POM121: variants seen among roughly 807,000 people sequenced by gnomAD.
POM121 encodes POM121 transmembrane nucleoporin.
POM121 carries 32 observed loss-of-function variants against 81.3 expected under a neutral mutation model. The observed-to-expected ratio is 0.39, with a 90% confidence interval of 0.30 to 0.53. The LOEUF (loss-of-function observed/expected upper bound fraction) is 0.53, where lower values mean the gene tolerates loss of function less well. Among genes scored for constraint, POM121 ranks in the 20% least tolerant of loss-of-function variants. The pLI is 0.66. For missense variants in POM121, 1,138 were observed against 1,614.6 expected (o/e 0.70, Z 5.06); for synonymous variants, 514 against 694.2 (o/e 0.74, Z 4.08).
intron 5 of POM121, among the ~76,000 whole-genome samples, chr7:72,938,145 C>T (rs1470411794): frequency 6.6e-6 from 1 of 151,958 alleles, no homozygotes; most frequent in East Asian, 1.9e-4. Context: ...ATAGACTTTT[C>T]TTCTTTTGCT....
chr7:72,942,135 C>T lies in POM121; in HGVS notation c.2142C>T (p.Ser714=), dbSNP rs2129580295. The change falls in exon 11 of 13, where the codon TCC becomes TCT. Residue 714 remains serine, a synonymous_variant. Transcript: ENST00000434423. The stretch of plus-strand genomic sequence containing the variant: ...TTGGAACACAGAACACCTCACCTTC[C>T]AGCCCTGCCGCCCCTGCTGCATCTT... ...FLFGTQNTSP[S]SPAAPAASSA... 6.2e-7 allele frequency: 1 copy of T among 1,609,238 alleles called. No homozygotes were observed. Among genetic ancestry groups the T allele is most frequent in the Non-Finnish European group, 8.5e-7 (1 of 1,179,810 alleles).
chr7:72,926,488 T>G lies in POM121; in HGVS notation c.860+11T>G. On this transcript the variant is annotated intron_variant, in intron 2 of 12. Transcript: ENST00000434423. The stretch of plus-strand genomic sequence containing the variant: ...TTCGCGTTCTGCGATGTGAGTATTA[T>G]CGTTGGAAGAATACTCTCCCTTTTC... 1 of 1,613,872 alleles carries G rather than the reference T, an allele frequency of 6.2e-7. No homozygotes were observed. The highest frequency in any genetic ancestry group is 1.7e-5 in the Admixed American group (1 of 60,014).
chr7:72,927,213 G>A (rs1227824091), intron 3 of POM121, among the ~76,000 whole-genome samples: 1 of 152,160 alleles, frequency 6.6e-6, no homozygotes. Context: ...TATTAGCCAC[G>A]CTACCCTCAT....
upstream of POM121, chr7:72,925,028 T>G: frequency 7.5e-7 from 1 of 1,326,114 alleles, no homozygotes; most frequent in Non-Finnish European, 9.6e-7. Context: ...TCTCCCGGAG[T>G]CGCGCGCGCA....
chr7:72,903,503 C>T (rs555451357), intron 3 of POM121, among the ~76,000 whole-genome samples: 3 of 152,334 alleles, frequency 2.0e-5, no homozygotes, highest in Non-Finnish European at 4.4e-5. Context: ...ATCCTCCCCA[C>T]CATCCCTGGG....
rs1286011338 is a variant in POM121, at chr7:72,926,246, C to G, written c.645-16C>G. On this transcript the variant is annotated splice_polypyrimidine_tract_variant and intron_variant, in intron 1 of 12. Coordinates refer to ENST00000434423, the MANE Select transcript of POM121 (RefSeq NM_001387691.1). ...TTTTTGCTTTGGTTCCGTGATTTGT[C>G]TCGCATTCTCTGCAGGGATTGTGGG... The G allele has an allele frequency of 2.6e-6, 4 of 1,548,680 alleles. No individual in the cohort carries two copies. The African/African-American group carries it at 4.1e-5, about 16-fold the overall frequency.
At chr7:72,913,856 C>T (rs1554494691) in intron 4 of POM121, 1 of 152,262 alleles carries the variant, frequency 6.6e-6, no homozygotes, top group Non-Finnish European at 1.5e-5. Flanking sequence ...CCTGCGCTTC[C>T]ATGACAGCCT....
At chr7:72,923,986 C>A (rs1476719582), upstream of POM121, among the ~76,000 whole-genome samples, 2 of 150,568 alleles carry the variant, frequency 1.3e-5, no homozygotes, top group Admixed American at 1.3e-4. Flanking sequence ...CGGTCTGTCG[C>A]CCAGGTTGGA....
At chr7:72,889,234 A>C (rs551591361) in intron 1 of POM121, among the ~76,000 whole-genome samples, 1 of 152,354 alleles carries the variant, frequency 6.6e-6, no homozygotes, top group African/African-American at 2.4e-5. Flanking sequence ...GCCTGTGGAT[A>C]AGCTTGGATG....
In POM121 at chr7:72,941,779, G is replaced by GTC. The variant is rs1797095346; in HGVS notation, c.1844-58_1844-57insTC. The stretch of plus-strand genomic sequence containing the variant: ...GGCGTGGGGAGGACACTGAAATACT[G>GTC]AATACCATCATCTTTGAAGTGTTTA... On this transcript the variant is annotated intron_variant, in intron 10 of 12. Transcript: ENST00000434423. The GTC allele has an allele frequency of 1.9e-6, 3 of 1,564,788 alleles. No homozygotes were observed. The African/African-American group carries it at 4.1e-5, about 21-fold the overall frequency.
chr7:72,929,695 C>A (rs1294024777), intron 4 of POM121, among the ~76,000 whole-genome samples: 9 of 152,288 alleles, frequency 5.9e-5, no homozygotes, highest in African/African-American at 1.9e-4. Flanking sequence ...GATCTGTCTT[C>A]TGTCACTGTA....
In POM121 at chr7:72,946,286, G is replaced by T. The variant is rs1330399676; in HGVS notation, c.*52G>T. 1 of 1,602,158 alleles carries T rather than the reference G, an allele frequency of 6.2e-7. No homozygotes were observed. Among genetic ancestry groups the T allele is most frequent in the South Asian group, 1.1e-5 (1 of 90,100 alleles). ...CACCCCTTCCCTAAATCTGGACCTT[G>T]GCACCTGCTAGGAAGAGCCTTGGAC... On this transcript the variant is annotated 3_prime_UTR_variant, in exon 13 of 13. Transcript: ENST00000434423.
At position 72,880,196 on chromosome 7, in the gene POM121, C is replaced by T. The variant is rs1452707308; in HGVS notation, c.-521+311C>T. ...ATTTCGACCGCCTCTAAACGTCCGT[C>T]AGCACTTCTATTCTCTCACTTAAGT... On this transcript the variant is annotated intron_variant, in intron 1 of 15. Transcript: ENST00000395270. Among the ~76,000 whole-genome samples, 6 of 152,210 alleles carry T rather than the reference C, an allele frequency of 3.9e-5. No homozygotes were observed. The East Asian group carries it at 7.7e-4, about 20-fold the overall frequency.
intron 5 of POM121, among the ~76,000 whole-genome samples, chr7:72,931,622 G>C (rs1796030747): frequency 1.3e-5 from 2 of 150,396 alleles, no homozygotes; most frequent in Middle Eastern, 3.4e-3. Flanking sequence ...CCAGGCTGGA[G>C]CACAGTGGTG....
chr7:72,928,520 A>C lies in POM121; in HGVS notation c.1103+55A>C, dbSNP rs1586155396. 11 of 1,573,648 alleles carry C rather than the reference A, an allele frequency of 7.0e-6. No individual in the cohort carries two copies. The East Asian group carries it at 2.0e-4, about 29-fold the overall frequency. Reference sequence around the variant, plus strand: ...CAACTGTTTGGAAAAAGGCCTGATCAGAGCTGTTGCCCTATAGATTTTCCT... The same window carrying C: ...CAACTGTTTGGAAAAAGGCCTGATCCGAGCTGTTGCCCTATAGATTTTCCT... On this transcript the variant is annotated intron_variant, in intron 4 of 12. Coordinates refer to ENST00000434423, the MANE Select transcript of POM121 (RefSeq NM_001387691.1).
Position 72,943,423 on chromosome 7 carries a change from G to C in POM121, c.3430G>C (p.Ala1144Pro), listed in dbSNP as rs141369711. The part of the protein sequence containing the change: ...SGSTATSTPF[A>P]GGLGQNALGT... The stretch of plus-strand genomic sequence containing the variant: ...GAGCACAGCCACCTCCACCCCCTTC[G>C]CAGGGGGCTTAGGTCAGAACGCCCT... The change falls in exon 11 of 13, where the codon GCA becomes CCA. Residue 1144 changes from alanine (A) to proline (P), a missense_variant. Ala to Pro is a conservative substitution (Grantham distance 27, BLOSUM62 -1). Transcript: ENST00000434423. 4.3e-6 allele frequency: 7 copies of C among 1,612,682 alleles called. No individual in the cohort carries two copies. The highest frequency in any genetic ancestry group is 5.9e-6 in the Non-Finnish European group (7 of 1,179,578).
At position 72,926,964 on chromosome 7, in the gene POM121, G is replaced by A. The variant is rs1368848029; in HGVS notation, c.1022+1G>A. 3 of 1,613,982 alleles carry A rather than the reference G, an allele frequency of 1.9e-6. No individual in the cohort carries two copies. The highest frequency in any genetic ancestry group is 1.3e-5 in the African/African-American group (1 of 75,040). On this transcript the variant is annotated splice_donor_variant, in intron 3 of 12. Transcript: ENST00000434423. LOFTEE classifies it high-confidence loss of function. ...TTGATGGCCAGGAAAATAAAAGAAG[G>A]TAACAGGCTCAGGAGAGTACTAAGC...
intron 1 of POM121, among the ~76,000 whole-genome samples, chr7:72,881,980 A>T (rs1790204101): frequency 6.6e-6 from 1 of 152,190 alleles, no homozygotes; most frequent in Non-Finnish European, 1.5e-5. Flanking sequence ...TATCCTGTAA[A>T]ATACAGTTAG....
intron 4 of POM121, among the ~76,000 whole-genome samples, chr7:72,919,205 CTTTTTTTT>C (rs782471353): frequency 9.0e-6 from 1 of 111,378 alleles, no homozygotes; most frequent in Non-Finnish European, 1.8e-5. Context: ...CATGCCCAGC[CTTTTTTTT>C]TTTTTTTTTT....
Sources: allele counts gnomAD v4.1 joint callset (sites outside exome capture counted in the v4.1 genomes callset), GRCh38; gene constraint gnomAD v4.1.1; transcripts MANE v1.5; gene names NCBI Gene and HGNC (gene_info 2026-07-23, HGNC 2026-07-21).